Variants in HOOK1 observed in about 807,000 individuals in gnomAD.
The protein encoded by HOOK1 is protein Hook homolog 1.
A neutral mutation model predicts 112.8 loss-of-function variants in HOOK1; 60 were observed. The observed-to-expected ratio is 0.53, with a 90% confidence interval of 0.43 to 0.66. HOOK1 has a LOEUF of 0.66. HOOK1 is among the 30% of genes least tolerant of loss of function. The probability of loss-of-function intolerance (pLI) is 0.00; values close to 1 mark genes in which losing one functional copy is unlikely to be tolerated. For missense variants in HOOK1, 770 were observed against 856.0 expected, an observed-to-expected ratio of 0.90 and a Z score of 1.25; for synonymous variants, 294 against 283.8, an observed-to-expected ratio of 1.04 and a Z score of -0.36.
rs549648246 is a variant in HOOK1 at position 59,816,106 on chromosome 1, G to A, written c.63+926G>A. 5.3e-4 allele frequency among the ~76,000 whole-genome samples: 81 copies of A among 152,298 alleles called. 1 individual carries two copies. The highest frequency in any genetic ancestry group is 1.8e-3 in the African/African-American group (75 of 41,558). ...CATCCCAAACCAGTTGTTTAGTTGC[G>A]TCTAGGGGAGTGTGTGCAGATGGAA... is the stretch of plus-strand genomic sequence containing the variant. On this transcript the variant is annotated intron_variant, in intron 1 of 21. Transcript: ENST00000371208.
rs145731072 is a variant in HOOK1, at chr1:59,848,399, G to A, written c.1014G>A (p.Lys338=). ...QKLQDLNDLR[K]QVKTLQETNM... The stretch of plus-strand genomic sequence containing the variant: ...TACAAGATCTGAATGACCTTCGCAA[G>A]CAGGTGAAAACTTTACAGGAAACCA... Residue 338 remains lysine, a synonymous_variant, in exon 11 of 22, where the codon AAG becomes AAA. Coordinates refer to ENST00000371208, the MANE Select transcript of HOOK1 (RefSeq NM_015888.6). 7.3e-5 allele frequency: 118 copies of A among 1,611,220 alleles called. 1 individual carries two copies. The African/African-American group carries it at 1.5e-3, about 20-fold the overall frequency.
intron 3 of HOOK1, 128 bp from the exon 4 acceptor site, chr1:59,832,035 T>C (rs766860690): frequency 1.9e-6 from 1 of 522,296 alleles, no homozygotes; most frequent in African/African-American, 2.0e-5. Context: ...TTTGTATTTA[T>C]AGAACTCTAT....
At chr1:59,818,492 G>A (rs1037726766) in intron 1 of HOOK1, among the ~76,000 whole-genome samples, 10 of 152,198 alleles carry the variant, frequency 6.6e-5, no homozygotes, top group African/African-American at 2.4e-4. Context: ...CAGGGCAAAA[G>A]GGTAAATGTG....
intron 9 of HOOK1, among the ~76,000 whole-genome samples, chr1:59,845,118 A>G (rs1019356689): frequency 7.9e-5 from 12 of 151,948 alleles, no homozygotes; most frequent in Non-Finnish European, 1.3e-4. Flanking sequence ...AGGTACCAGC[A>G]GATTCAGTGT....
intron 12 of HOOK1, among the ~76,000 whole-genome samples, chr1:59,854,293 A>C (rs909531828): frequency 1.3e-5 from 2 of 151,154 alleles, no homozygotes; most frequent in Non-Finnish European, 3.0e-5. Flanking sequence ...CTTGTGACCC[A>C]CCTGCCTCGA....
chr1:59,863,097 A>G (rs977468578), intron 16 of HOOK1, among the ~76,000 whole-genome samples: 8 of 152,132 alleles, frequency 5.3e-5, no homozygotes, highest in African/African-American at 1.9e-4. Context: ...TCCTGCTTCA[A>G]CAGCTATACC....
At chr1:59,854,001 A>AATATATATATATATAT (rs71046347) in intron 12 of HOOK1, among the ~76,000 whole-genome samples, 10 of 25,696 alleles carry the variant, frequency 3.9e-4, no homozygotes, top group African/African-American at 9.2e-4. Flanking sequence ...ATTAATCTTA[A>AATATATATATATATAT]ATATATATAT....
At position 59,858,477 on chromosome 1, in the gene HOOK1, G is replaced by T. The variant is rs756479263; in HGVS notation, c.1292G>T (p.Arg431Leu). ...DTLKETNEEL[R>L]CSQVQQDHLN... ...TTGAAAGAAACAAATGAAGAGCTTCGATGTTCACAAGTACAACAGGACCAC... is the reference window on the plus strand; with the variant it reads ...TTGAAAGAAACAAATGAAGAGCTTCTATGTTCACAAGTACAACAGGACCAC... The change falls in exon 13 of 22, where the codon CGA (arginine) becomes CTA (leucine). Residue 431 changes from arginine to leucine, a missense_variant. Coordinates refer to ENST00000371208, the MANE Select transcript of HOOK1 (RefSeq NM_015888.6). 1.4e-5 allele frequency: 23 copies of T among 1,613,446 alleles called. No homozygotes were observed. Among genetic ancestry groups the T allele is most frequent in the Non-Finnish European group, 2.0e-5 (23 of 1,179,446 alleles).
chr1:59,860,844 G>T lies in HOOK1; in HGVS notation c.1532+516G>T, dbSNP rs546658112. 2.0e-5 allele frequency among the ~76,000 whole-genome samples: 3 copies of T among 151,696 alleles called. No individual in the cohort carries two copies. In the South Asian group the frequency reaches 6.3e-4, roughly 32 times the overall value. On this transcript the variant is annotated intron_variant, in intron 15 of 21. Coordinates refer to ENST00000371208, the MANE Select transcript of HOOK1 (RefSeq NM_015888.6). ...GCTAGAGTGCAGTAGCGCGATCTCG[G>T]CTCACTGCAACTTCCGCCTCACGGG...
intron 12 of HOOK1, among the ~76,000 whole-genome samples, chr1:59,856,215 GA>G (rs1413064692): frequency 6.7e-6 from 1 of 149,198 alleles, no homozygotes; most frequent in East Asian, 2.0e-4. Flanking sequence ...AAAGTACTGG[GA>G]TTCCAGGCAT....
At chr1:59,872,062 G>A (rs866150746) in intron 21 of HOOK1, among the ~76,000 whole-genome samples, 2 of 152,102 alleles carry the variant, frequency 1.3e-5, no homozygotes, top group Non-Finnish European at 1.5e-5. Context: ...TTGTAGCCAG[G>A]TAGTCCATGA....
chr1:59,823,086 C>T (rs562181887), intron 2 of HOOK1, among the ~76,000 whole-genome samples: 155 of 152,256 alleles, frequency 1.0e-3, no homozygotes, highest in Admixed American at 4.1e-3. Context: ...TTCGGGAGGC[C>T]GAGGAGGGCG....
chr1:59,831,086 A>G (rs1024850080), intron 3 of HOOK1, among the ~76,000 whole-genome samples: 1 of 151,776 alleles, frequency 6.6e-6, no homozygotes, highest in South Asian at 2.1e-4. Flanking sequence ...TTTTGAGTAG[A>G]GGCGGGGTTT....
At chr1:59,844,230 T>G (rs1400999507) in intron 9 of HOOK1, among the ~76,000 whole-genome samples, 1 of 152,070 alleles carries the variant, frequency 6.6e-6, no homozygotes, top group Non-Finnish European at 1.5e-5. Flanking sequence ...TTTCTCCATT[T>G]GCTTTAGCAA....
chr1:59,816,833 G>A (rs1241768632), intron 1 of HOOK1, among the ~76,000 whole-genome samples: 1 of 152,222 alleles, frequency 6.6e-6, no homozygotes, highest in Non-Finnish European at 1.5e-5. Context: ...GAGCACTGTG[G>A]AGAAAATTGA....
At chr1:59,834,891 C>T (rs2098396481) in intron 5 of HOOK1, among the ~76,000 whole-genome samples, 1 of 151,800 alleles carries the variant, frequency 6.6e-6, no homozygotes, top group African/African-American at 2.4e-5. Context: ...TCAGCTGTTC[C>T]TTTTCTAAGC....
chr1:59,867,932 T>C (rs1643995737), intron 19 of HOOK1, among the ~76,000 whole-genome samples: 1 of 152,212 alleles, frequency 6.6e-6, no homozygotes, highest in Non-Finnish European at 1.5e-5. Context: ...GAAAGGATTA[T>C]TTCAAGACTT....
At chr1:59,852,358 G>C (rs1181443067) in intron 12 of HOOK1, among the ~76,000 whole-genome samples, 3 of 151,722 alleles carry the variant, frequency 2.0e-5, no homozygotes, top group African/African-American at 7.2e-5. Context: ...ATGACTTCTT[G>C]AGCTAGTGTT....
At chr1:59,830,270 A>T (rs1245225058) in intron 3 of HOOK1, among the ~76,000 whole-genome samples, 1 of 152,078 alleles carries the variant, frequency 6.6e-6, no homozygotes, top group Non-Finnish European at 1.5e-5. Context: ...TGTATAGTGT[A>T]GTATAGACTC....
Sources: allele counts gnomAD v4.1 joint callset (sites outside exome capture counted in the v4.1 genomes callset), GRCh38; gene constraint gnomAD v4.1.1; transcripts MANE v1.5; gene names NCBI Gene and HGNC (gene_info 2026-07-23, HGNC 2026-07-21).